The following SGCD variants were observed in gnomAD, a reference collection of about 807,000 sequenced individuals.
SGCD encodes the protein sarcoglycan delta.
A neutral mutation model predicts 36.6 loss-of-function variants in SGCD; 18 were observed. The ratio of observed to expected loss-of-function variants is 0.49; its 90% confidence interval spans 0.34 to 0.73. SGCD has a LOEUF of 0.73. Among genes scored for constraint, SGCD ranks in the 30% least tolerant of loss-of-function variants. The probability of loss-of-function intolerance (pLI) is 0.01; values close to 1 mark genes in which losing one functional copy is unlikely to be tolerated. For synonymous variants in SGCD, 133 were observed against 130.6 expected, an observed-to-expected ratio of 1.02 and a Z score of -0.12; for missense variants, 387 against 346.7, an observed-to-expected ratio of 1.12 and a Z score of -0.92.
At chr5:156,285,288 AC>A (rs1285862852) in intron 3 of SGCD, among the ~76,000 whole-genome samples, 1 of 152,168 alleles carries the variant, frequency 6.6e-6, no homozygotes, top group Admixed American at 6.5e-5. Context: ...CCATCAAGCT[AC>A]CAATGACTTT....
intron 3 of SGCD, among the ~76,000 whole-genome samples, chr5:156,133,949 AC>A (rs1310360540): frequency 2.4e-4 from 36 of 150,920 alleles, no homozygotes; most frequent in African/African-American, 8.5e-4. Context: ...ACACACACAC[AC>A]ACACACACAC....
chr5:156,046,358 T>C (rs1383382917), intron 1 of SGCD, among the ~76,000 whole-genome samples: 1 of 152,268 alleles, frequency 6.6e-6, no homozygotes, highest in Non-Finnish European at 1.5e-5. Context: ...CTGTATACTA[T>C]GCAGGCATAC....
At chr5:156,185,850 T>TATAGAGAG (rs1554082623) in intron 3 of SGCD, among the ~76,000 whole-genome samples, 1 of 49,956 alleles carries the variant, frequency 2.0e-5, no homozygotes, top group African/African-American at 7.1e-5. Flanking sequence ...TATATATATA[T>TATAGAGAG]AGAGAGAGAG....
In SGCD at chr5:156,432,254, T is replaced by C. The variant is rs1342701031; in HGVS notation, c.193-76347T>C. ...CTTTCTAGTATGCTAGTTATGCTAGTAGTGAAGTTGTCACAAGGACAGACT... is the reference window on the plus strand; with the variant it reads ...CTTTCTAGTATGCTAGTTATGCTAGCAGTGAAGTTGTCACAAGGACAGACT... On this transcript the variant is annotated intron_variant, in intron 3 of 8. Coordinates refer to ENST00000337851, the MANE Select transcript of SGCD (RefSeq NM_000337.6). 3.3e-5 allele frequency among the ~76,000 whole-genome samples: 5 copies of C among 152,190 alleles called. No homozygotes were observed. In the South Asian group the frequency reaches 1.0e-3, roughly 31 times the overall value.
At chr5:156,717,752 A>C (rs76423629) in intron 7 of SGCD, among the ~76,000 whole-genome samples, 2,718 of 152,118 alleles carry the variant, frequency 0.018, 32 homozygotes, top group Non-Finnish European at 0.03. Context: ...CAGCCCCTCC[A>C]CCCAACACCA....
At chr5:156,423,317 A>T (rs1370786158) in intron 3 of SGCD, among the ~76,000 whole-genome samples, 2 of 89,228 alleles carry the variant, frequency 2.2e-5, no homozygotes, top group Admixed American at 1.6e-4. Context: ...TTATTATAAT[A>T]TAATATATTT....
intron 1 of SGCD, among the ~76,000 whole-genome samples, chr5:156,032,633 G>A (rs1759374209): frequency 7.2e-6 from 1 of 139,036 alleles, no homozygotes; most frequent in Admixed American, 8.1e-5. Context: ...CAGGAGAATG[G>A]CATGAACCCG....
chr5:156,068,037 GTC>G (rs1760387271), intron 1 of SGCD, among the ~76,000 whole-genome samples: 1 of 151,646 alleles, frequency 6.6e-6, no homozygotes, highest in Non-Finnish European at 1.5e-5. Context: ...CTGACCAACA[GTC>G]TTCACTGTTC....
chr5:156,313,445 T>G (rs1427699521), intron 3 of SGCD, among the ~76,000 whole-genome samples: 2 of 152,092 alleles, frequency 1.3e-5, no homozygotes, highest in Non-Finnish European at 2.9e-5. Flanking sequence ...TAAAGAGAGA[T>G]ACTGTCATTA....
chr5:155,882,248 A>T (rs244986), intron 1 of SGCD, among the ~76,000 whole-genome samples: 85,667 of 151,072 alleles, frequency 0.57, 26,664 homozygotes, highest in African/African-American at 0.84. Context: ...ACTTTTTTTT[A>T]AAAAACTTTT....
chr5:156,593,900 A>T (rs2113385411), intron 5 of SGCD, among the ~76,000 whole-genome samples: 1 of 152,348 alleles, frequency 6.6e-6, no homozygotes, highest in African/African-American at 2.4e-5. Context: ...TTTTGGAAAA[A>T]GTATAAGATT....
At chr5:155,844,405 G>A in the SGCD span, among the ~76,000 whole-genome samples, 9 of 144,322 alleles carry the variant, frequency 6.2e-5, no homozygotes, top group African/African-American at 2.3e-4. Flanking sequence ...TGCCGCCAGA[G>A]GGTGTTGCTA....
chr5:156,416,285 A>G (rs200281451), intron 3 of SGCD, among the ~76,000 whole-genome samples: 10 of 152,232 alleles, frequency 6.6e-5, no homozygotes, highest in East Asian at 1.9e-4. Flanking sequence ...CAAACATTGT[A>G]TGTTCTCACT....
At chr5:155,819,594 G>A in the SGCD span, among the ~76,000 whole-genome samples, 1 of 152,172 alleles carries the variant, frequency 6.6e-6, no homozygotes, top group Non-Finnish European at 1.5e-5. Context: ...TCACAGATGA[G>A]AATGCTGAGG....
At chr5:156,194,696 T>C (rs1763978997) in intron 3 of SGCD, among the ~76,000 whole-genome samples, 1 of 152,030 alleles carries the variant, frequency 6.6e-6, no homozygotes, top group African/African-American at 2.4e-5. Context: ...CTTAAATTGA[T>C]GGATAATATG....
intron 3 of SGCD, among the ~76,000 whole-genome samples, chr5:156,409,490 C>T (rs544583906): frequency 5.3e-5 from 8 of 152,338 alleles, no homozygotes; most frequent in African/African-American, 1.4e-4. Context: ...TCCATCCCAA[C>T]CAATCCCCGG....
intron 3 of SGCD, among the ~76,000 whole-genome samples, chr5:156,266,515 A>G (rs2127667487): frequency 6.6e-6 from 1 of 152,308 alleles, no homozygotes; most frequent in East Asian, 1.9e-4. Flanking sequence ...ATGGAGTCTC[A>G]TTCTTTCACT....
chr5:156,128,900 A>G (rs1219942710), intron 3 of SGCD, among the ~76,000 whole-genome samples: 1 of 152,252 alleles, frequency 6.6e-6, no homozygotes, highest in African/African-American at 2.4e-5. Context: ...AGACTGTCAC[A>G]CATAATAACA....
rs187994461 is a variant in SGCD at position 156,525,546 on chromosome 5, T to C, written c.294+16844T>C. Among the ~76,000 whole-genome samples the C allele has an allele frequency of 2.0e-5, 3 of 152,210 alleles. No homozygotes were observed. The East Asian group carries it at 5.8e-4, about 29-fold the overall frequency. ...GATTTCCTTTTCATTTTGTTGATTTTTTTTTTTATTGTATGGAAAAGTTTT... is the reference window on the plus strand; with the variant it reads ...GATTTCCTTTTCATTTTGTTGATTTCTTTTTTTATTGTATGGAAAAGTTTT... On this transcript the variant is annotated intron_variant, in intron 4 of 8. Coordinates refer to ENST00000337851, the MANE Select transcript of SGCD (RefSeq NM_000337.6).
Sources: allele counts gnomAD v4.1 joint callset (sites outside exome capture counted in the v4.1 genomes callset), GRCh38; gene constraint gnomAD v4.1.1; transcripts MANE v1.5; gene names NCBI Gene and HGNC (gene_info 2026-07-23, HGNC 2026-07-21).